Variants in PRDM5 observed in about 807,000 individuals in gnomAD.
PRDM5 encodes the protein PR/SET domain 5.
In PRDM5, 56 loss-of-function variants were observed where a neutral mutation model predicts 81.2. The ratio of observed to expected loss-of-function variants is 0.69; its 90% CI spans 0.56 to 0.86. The LOEUF (loss-of-function observed/expected upper bound fraction) is 0.86. Ranked by LOEUF, PRDM5 falls within the 40% of genes least tolerant of loss-of-function variation. The pLI, the probability that PRDM5 is intolerant of heterozygous loss-of-function variation, is 0.00. For synonymous variants in PRDM5, 267 were observed against 256.4 expected (o/e 1.04, Z -0.39); for missense variants, 697 against 770.1 (o/e 0.91, Z 1.12).
chr4:120,800,151 G>A (rs1751935971), intron 8 of PRDM5, among the ~76,000 whole-genome samples: 1 of 152,134 alleles, frequency 6.6e-6, no homozygotes, highest in Non-Finnish European at 1.5e-5. Flanking sequence ...GTACATAGTA[G>A]AGAGTGCAAC....
intron 3 of PRDM5, among the ~76,000 whole-genome samples, chr4:120,835,841 A>T (rs1757292686): frequency 6.6e-6 from 1 of 152,194 alleles, no homozygotes; most frequent in Non-Finnish European, 1.5e-5. Context: ...AGTGACTCAG[A>T]GGATAGGTGG....
intron 8 of PRDM5, among the ~76,000 whole-genome samples, chr4:120,805,132 C>T (rs1045287549): frequency 1.3e-5 from 2 of 152,042 alleles, no homozygotes; most frequent in Non-Finnish European, 1.5e-5. Flanking sequence ...ACACATACAC[C>T]CTCCCAAGAC....
chr4:120,882,017 G>A (rs1762898385), intron 2 of PRDM5, among the ~76,000 whole-genome samples: 2 of 152,180 alleles, frequency 1.3e-5, no homozygotes, highest in South Asian at 4.1e-4. Flanking sequence ...TGGGCCTCTT[G>A]GACCACATGC....
chr4:120,833,824 C>G (rs115041653), intron 3 of PRDM5, among the ~76,000 whole-genome samples: 1 of 152,042 alleles, frequency 6.6e-6, no homozygotes, highest in Admixed American at 6.5e-5. Context: ...TAAAAAGGAC[C>G]AAGATAGTTG....
chr4:120,833,326 C>T (rs1486435045), intron 3 of PRDM5, among the ~76,000 whole-genome samples: 1 of 152,098 alleles, frequency 6.6e-6, no homozygotes, highest in African/African-American at 2.4e-5. Flanking sequence ...GTTACCCATT[C>T]ATTAGTCACT....
At chr4:120,883,495 C>T (rs968217681) in intron 2 of PRDM5, among the ~76,000 whole-genome samples, 2 of 148,780 alleles carry the variant, frequency 1.3e-5, no homozygotes, top group Non-Finnish European at 3.0e-5. Context: ...GGAGATCCTT[C>T]TAAGAATCCA....
At chr4:120,753,600 GT>G (rs1744306775) in intron 14 of PRDM5, among the ~76,000 whole-genome samples, 1 of 151,778 alleles carries the variant, frequency 6.6e-6, no homozygotes, top group African/African-American at 2.4e-5. Flanking sequence ...ATTATTATGT[GT>G]TTTCTCTAAA....
intron 15 of PRDM5, among the ~76,000 whole-genome samples, chr4:120,695,969 T>C (rs895846865): frequency 1.4e-4 from 22 of 152,028 alleles, no homozygotes; most frequent in Admixed American, 6.6e-5. Flanking sequence ...AAAAATATAA[T>C]GAGAGAGGAA....
intron 13 of PRDM5, among the ~76,000 whole-genome samples, chr4:120,768,310 G>C (rs1032550194): frequency 2.6e-5 from 4 of 152,140 alleles, no homozygotes; most frequent in African/African-American, 7.2e-5. Flanking sequence ...ATAGTGAATA[G>C]GTCATTTGCT....
At position 120,851,261 on chromosome 4, in the gene PRDM5, G is replaced by A. The variant is rs187368701; in HGVS notation, c.300+2157C>T. ...AATATTCTCCACAATCACAATGATG[G>A]AGAACCTACCAAAACAATGGGTTGG... is the stretch of plus-strand genomic sequence containing the variant. On this transcript the variant is annotated intron_variant, in intron 3 of 15. Coordinates refer to ENST00000264808, the MANE Select transcript of PRDM5 (RefSeq NM_018699.4). Among the ~76,000 whole-genome samples the A allele has an allele frequency of 2.2e-3, 334 of 152,110 alleles. 2 individuals are homozygous for A. The highest frequency in any genetic ancestry group is 6.8e-3 in the Middle Eastern group (2 of 294).
chr4:120,833,711 C>A (rs1397400044), intron 3 of PRDM5, among the ~76,000 whole-genome samples: 1 of 152,124 alleles, frequency 6.6e-6, no homozygotes, highest in East Asian at 1.9e-4. Context: ...AAGACAGGAA[C>A]AGAAATGTGT....
chr4:120,919,035 G>C (rs188695298), intron 1 of PRDM5, among the ~76,000 whole-genome samples: 16 of 152,298 alleles, frequency 1.1e-4, no homozygotes, highest in African/African-American at 3.4e-4. Context: ...ACTTTATACT[G>C]AACAGGCTGG....
chr4:120,878,732 A>G (rs1762561079), intron 2 of PRDM5, among the ~76,000 whole-genome samples: 1 of 152,214 alleles, frequency 6.6e-6, no homozygotes, highest in South Asian at 2.1e-4. Flanking sequence ...AAAAAAATCT[A>G]AACAAACCCT....
At chr4:120,892,831 A>G (rs1424951504) in intron 2 of PRDM5, among the ~76,000 whole-genome samples, 1 of 152,126 alleles carries the variant, frequency 6.6e-6, no homozygotes, top group Non-Finnish European at 1.5e-5. Flanking sequence ...CTGACTGGCT[A>G]CTAGTGGCAG....
At chr4:120,816,348 C>T (rs772499536) in intron 7 of PRDM5, 105 bp downstream of exon 7, 3 of 1,586,792 alleles carry the variant, frequency 1.9e-6, no homozygotes, top group East Asian at 2.2e-5. Context: ...GTGTGAAACA[C>T]AATGGAAAAG....
At chr4:120,774,924 A>ATG (rs367751645) in intron 13 of PRDM5, among the ~76,000 whole-genome samples, 67 of 90,514 alleles carry the variant, frequency 7.4e-4, no homozygotes, top group African/African-American at 1.9e-3. Context: ...GTATATGTAT[A>ATG]TATATGTATA....
chr4:120,741,697 C>A (rs1742006505), intron 14 of PRDM5, among the ~76,000 whole-genome samples: 1 of 152,100 alleles, frequency 6.6e-6, no homozygotes. Flanking sequence ...GTCACTCCCA[C>A]CCGAATACTG....
intron 2 of PRDM5, among the ~76,000 whole-genome samples, chr4:120,905,672 A>T (rs1456777771): frequency 6.6e-6 from 1 of 152,152 alleles, no homozygotes; most frequent in Non-Finnish European, 1.5e-5. Context: ...CCACAATAAC[A>T]TAATACCTTA....
At chr4:120,785,534 C>T (rs1393105818) in intron 10 of PRDM5, among the ~76,000 whole-genome samples, 1 of 152,152 alleles carries the variant, frequency 6.6e-6, no homozygotes, top group South Asian at 2.1e-4. Flanking sequence ...CTCTCAACTT[C>T]ACTGAATCAG....
Sources: allele counts gnomAD v4.1 joint callset (sites outside exome capture counted in the v4.1 genomes callset), GRCh38; gene constraint gnomAD v4.1.1; transcripts MANE v1.5; gene names NCBI Gene and HGNC (gene_info 2026-07-23, HGNC 2026-07-21).